BCAS3: variants seen among roughly 807,000 people sequenced by gnomAD.
BCAS3 encodes BCAS4/BCAS3 fusion.
Under a neutral mutation model 116.1 loss-of-function variants are expected in BCAS3, and 53 were observed. That is an observed-to-expected ratio of 0.46 (90% CI 0.37 to 0.57). The LOEUF (loss-of-function observed/expected upper bound fraction) is 0.57, where lower values mean the gene tolerates loss of function less well. BCAS3 is among the 20% of genes least tolerant of loss of function. The pLI is 0.00. For missense variants in BCAS3, 917 were observed against 1,165.4 expected, an observed-to-expected ratio of 0.79 and a Z score of 3.10; for synonymous variants, 391 against 408.2, an observed-to-expected ratio of 0.96 and a Z score of 0.51.
At chr17:60,958,559 A>G (rs1351395930) in intron 14 of BCAS3, among the ~76,000 whole-genome samples, 6 of 152,202 alleles carry the variant, frequency 3.9e-5, no homozygotes, top group Non-Finnish European at 8.8e-5. Context: ...AAATAAATGG[A>G]GAATTAAACC....
chr17:61,156,182 AAAAG>A lies in BCAS3; in HGVS notation c.2425+71622_2425+71625del. Reference sequence around the variant, plus strand: ...TCAGCCAGACACATTAAAAAAAAAAAAAAGAAAAGTAAAATCTGAGTTGTTACTA... The same window carrying A: ...TCAGCCAGACACATTAAAAAAAAAAAAAAAGTAAAATCTGAGTTGTTACTA... On this transcript the variant is annotated intron_variant, in intron 22 of 23. Transcript: ENST00000407086. This position sits in a 1 kb window ranked among gnomAD's most constrained non-coding sequence, Gnocchi z 4.7. 6.6e-6 allele frequency among the ~76,000 whole-genome samples: 1 copy of A among 152,198 alleles called. No individual in the cohort carries two copies. The highest frequency in any genetic ancestry group is 2.4e-5 in the African/African-American group (1 of 41,528).
chr17:61,055,771 A>C (rs986261878), intron 19 of BCAS3, among the ~76,000 whole-genome samples: 1 of 152,194 alleles, frequency 6.6e-6, no homozygotes, highest in Non-Finnish European at 1.5e-5. Flanking sequence ...CTGGAAAATA[A>C]ATGTATTCCT....
rs78440493 is a variant in BCAS3 at position 61,349,285 on chromosome 17, C to G, written c.2426-19042C>G. Reference sequence around the variant, plus strand: ...TCCAACTGCACAAATCACACCCCCACTCTCCCACCCTACACCCTAATACCC... The same window carrying G: ...TCCAACTGCACAAATCACACCCCCAGTCTCCCACCCTACACCCTAATACCC... On this transcript the variant is annotated intron_variant, in intron 22 of 23. Coordinates refer to ENST00000407086, the MANE Select transcript of BCAS3 (RefSeq NM_017679.5). This position sits in a 1 kb window ranked among gnomAD's most constrained non-coding sequence, Gnocchi z 4.7. 0.1 allele frequency among the ~76,000 whole-genome samples: 15,823 copies of G among 152,152 alleles called. 953 individuals carry two copies. Among genetic ancestry groups the G allele is most frequent in the African/African-American group, 0.15 (6,141 of 41,488 alleles).
At chr17:61,322,808 G>GAGAC (rs2055354583) in intron 22 of BCAS3, among the ~76,000 whole-genome samples, 1 of 128,970 alleles carries the variant, frequency 7.8e-6, no homozygotes, top group Non-Finnish European at 1.7e-5. Context: ...GAGAGAGAGA[G>GAGAC]AGAGAGAGAG....
chr17:60,881,903 G>A (rs2056197603), intron 9 of BCAS3, among the ~76,000 whole-genome samples: 1 of 148,286 alleles, frequency 6.7e-6, no homozygotes, highest in African/African-American at 2.6e-5. Context: ...ATAAACATAC[G>A]TGTGCATGTG....
chr17:60,912,897 T>C (rs1268100547), intron 12 of BCAS3, among the ~76,000 whole-genome samples: 1 of 152,134 alleles, frequency 6.6e-6, no homozygotes, highest in East Asian at 1.9e-4. Context: ...AGATTTGGGA[T>C]TATTTCAAAA....
At chr17:60,729,058 T>G (rs2040200736) in intron 5 of BCAS3, among the ~76,000 whole-genome samples, 1 of 152,222 alleles carries the variant, frequency 6.6e-6, no homozygotes. Context: ...TGCATTGAAC[T>G]TCATATAAAC....
intron 9 of BCAS3, among the ~76,000 whole-genome samples, chr17:60,881,836 A>G (rs1399204492): frequency 1.6e-4 from 23 of 146,094 alleles, no homozygotes; most frequent in African/African-American, 3.4e-4. Flanking sequence ...AATCCAGTCT[A>G]TCATTGTTGG....
At chr17:61,329,861 T>G (rs533782364) in intron 22 of BCAS3, among the ~76,000 whole-genome samples, 4 of 152,284 alleles carry the variant, frequency 2.6e-5, no homozygotes, top group African/African-American at 9.6e-5. Context: ...GCCGCTTACC[T>G]GCTCAGTCTT....
intron 23 of BCAS3, among the ~76,000 whole-genome samples, chr17:61,374,823 A>T (rs2059253903): frequency 6.6e-6 from 1 of 152,144 alleles, no homozygotes. Context: ...TTATTCTAAG[A>T]ATTATCTTGT....
rs555075424 is a variant in BCAS3, at chr17:60,686,682, C to T, written c.138+2646C>T. Among the ~76,000 whole-genome samples the T allele has an allele frequency of 8.5e-5, 13 of 152,168 alleles. No individual in the cohort carries two copies. In the East Asian group the frequency reaches 2.1e-3, roughly 25 times the overall value. On this transcript the variant is annotated intron_variant, in intron 3 of 23. Transcript: ENST00000407086. Reference sequence around the variant, plus strand: ...CTGGGATTGCAGGCATGTGCCAACACGCCCGGCCAATTTTTGTATTTTTAG... The same window carrying T: ...CTGGGATTGCAGGCATGTGCCAACATGCCCGGCCAATTTTTGTATTTTTAG...
chr17:60,951,249 T>C (rs760467448), intron 14 of BCAS3, among the ~76,000 whole-genome samples: 2 of 152,302 alleles, frequency 1.3e-5, no homozygotes, highest in South Asian at 4.1e-4. Flanking sequence ...TTTTCTCTTA[T>C]TATATTGTCT....
At chr17:60,880,440 C>A (rs530967209) in intron 9 of BCAS3, among the ~76,000 whole-genome samples, 1 of 152,264 alleles carries the variant, frequency 6.6e-6, no homozygotes, top group Admixed American at 6.5e-5. Context: ...AGGCGCATGC[C>A]ACCACACCCA....
At chr17:61,067,939 A>G (rs1041958482) in intron 19 of BCAS3, among the ~76,000 whole-genome samples, 4 of 152,108 alleles carry the variant, frequency 2.6e-5, no homozygotes, top group Non-Finnish European at 5.9e-5. Context: ...ATGTATATTT[A>G]GCAAAAGCCT....
At chr17:60,701,540 G>A (rs935680187) in intron 4 of BCAS3, among the ~76,000 whole-genome samples, 1 of 152,108 alleles carries the variant, frequency 6.6e-6, no homozygotes, top group Non-Finnish European at 1.5e-5. Context: ...AGATTTGTGT[G>A]ACACTTTGAC....
At chr17:60,872,779 A>G (rs2055249584) in intron 8 of BCAS3, among the ~76,000 whole-genome samples, 1 of 150,568 alleles carries the variant, frequency 6.6e-6, no homozygotes, top group African/African-American at 2.5e-5. Context: ...CACACACCCC[A>G]TATATATCTG....
chr17:61,176,922 A>G (rs1166656230), intron 22 of BCAS3, among the ~76,000 whole-genome samples: 1 of 152,212 alleles, frequency 6.6e-6, no homozygotes, highest in African/African-American at 2.4e-5. Context: ...AAGAAGATCT[A>G]TAGATGGCAA....
chr17:60,764,771 G>C (rs1311613648), intron 6 of BCAS3, among the ~76,000 whole-genome samples: 2 of 152,114 alleles, frequency 1.3e-5, no homozygotes, highest in African/African-American at 4.8e-5. Context: ...CTGTCTCATT[G>C]ATCTGTCTAA....
chr17:60,689,862 A>G (rs1245075263), intron 4 of BCAS3, 101 bp downstream of exon 4: 22 of 782,790 alleles, frequency 2.8e-5, no homozygotes, highest in Non-Finnish European at 1.0e-5. Context: ...ACTTTCTCTT[A>G]TAGTAATTTT....
Sources: gnomAD v4.1 joint callset for allele counts (sites outside exome capture counted in the v4.1 genomes callset) on GRCh38, gnomAD v4.1.1 for gene constraint, Gnocchi (gnomAD v3.1) non-coding constraint, MANE v1.5 for transcripts, NCBI Gene and HGNC (gene_info 2026-07-23, HGNC 2026-07-21) for gene names.